TPRX1: variants seen among roughly 807,000 people sequenced by gnomAD.
TPRX1 encodes tetrapeptide repeat homeobox 1.
In TPRX1, 2 loss-of-function variants were observed where a neutral mutation model predicts 8.1. The observed-to-expected ratio is 0.25, with a 90% CI of 0.10 to 0.78. TPRX1 has a LOEUF of 0.78. Among genes scored for constraint, TPRX1 ranks in the 30% least tolerant of loss-of-function variants. TPRX1 has a pLI of 0.70. For missense variants in TPRX1, 517 were observed against 586.9 expected (o/e 0.88, Z 1.23); for synonymous variants, 257 against 254.1 (o/e 1.01, Z -0.11).
At chr19:47,818,364 C>T in intron 2 of TPRX1, 2 of 346,838 alleles carry the variant, frequency 5.8e-6, no homozygotes, top group South Asian at 3.7e-5. Context: ...ATCCATCCAT[C>T]CATCATCCAT....
exon 4 of TPRX1, chr19:47,802,720 G>C: frequency 6.3e-7 from 1 of 1,593,952 alleles, no homozygotes; most frequent in African/African-American, 1.3e-5. Flanking sequence ...CAGGGATCGG[G>C]CCAGGGCCTG....
chr19:47,811,797 A>G (rs1967786482), intron 2 of TPRX1, among the ~76,000 whole-genome samples: 1 of 150,454 alleles, frequency 6.6e-6, no homozygotes, highest in South Asian at 2.1e-4. Flanking sequence ...GCGCCCGGCT[A>G]ATGGCAACTT....
chr19:47,809,201 A>G (rs1425922233), intron 2 of TPRX1, among the ~76,000 whole-genome samples: 1 of 152,190 alleles, frequency 6.6e-6, no homozygotes, highest in East Asian at 1.9e-4. Context: ...CACATTGTTT[A>G]TTTTGAAGAA....
At chr19:47,804,524 G>A (rs1484192967) in intron 2 of TPRX1, among the ~76,000 whole-genome samples, 1 of 152,188 alleles carries the variant, frequency 6.6e-6, no homozygotes, top group African/African-American at 2.4e-5. Flanking sequence ...CCTTGGAGAT[G>A]ACCAGGGTCT....
At chr19:47,815,156 A>AT (rs1374308015) in intron 2 of TPRX1, among the ~76,000 whole-genome samples, 1 of 89,574 alleles carries the variant, frequency 1.1e-5, no homozygotes, top group African/African-American at 4.7e-5. Context: ...AAATATATAT[A>AT]TATATATTTT....
At chr19:47,807,389 A>G (rs1450475228) in intron 2 of TPRX1, among the ~76,000 whole-genome samples, 2 of 151,876 alleles carry the variant, frequency 1.3e-5, no homozygotes, top group Non-Finnish European at 2.9e-5. Flanking sequence ...AAATTTATTT[A>G]TGTATTTGTT....
chr19:47,801,571 G>C (rs910012813), exon 4 of TPRX1: 2 of 599,938 alleles, frequency 3.3e-6, no homozygotes, highest in African/African-American at 3.8e-5. Context: ...AATCCCAGCA[G>C]AGAAACGCTC....
At position 47,815,114 on chromosome 19, in the gene TPRX1, TTATATATATA is replaced by T. The variant is rs548380113; in HGVS notation, c.151+3344_151+3353del. 1.0e-3 allele frequency among the ~76,000 whole-genome samples: 64 copies of T among 63,360 alleles called. 1 individual carries two copies. The South Asian group carries it at 0.024, about 23-fold the overall frequency. 41.6% of individuals were successfully genotyped at this position (63,360 alleles called of 152,430 possible). A position where few individuals can be genotyped will look rare whatever the true frequency, so the allele number is the denominator to read the frequency against. On this transcript the variant is annotated intron_variant, in intron 2 of 3. Transcript: ENST00000535759. ...GTGCTTAGCTCAATAAATAGATAAATTATATATATATATATATATATATATATATGCAAAT... is the reference window on the plus strand; with the variant it reads ...GTGCTTAGCTCAATAAATAGATAAATTATATATATATATATATATGCAAAT...
At chr19:47,811,596 T>G (rs2123717495) in intron 2 of TPRX1, among the ~76,000 whole-genome samples, 1 of 151,770 alleles carries the variant, frequency 6.6e-6, no homozygotes, top group South Asian at 2.1e-4. Context: ...CCTCCCGGAT[T>G]CAAGCGATTC....
rs2910402 is a variant in TPRX1 at position 47,804,508 on chromosome 19, C to T, written c.152-835G>A. ...CCCAGACCCCTCACACCTCTGTCCC[C>T]GCTCACCTTGGAGATGACCAGGGTC... On this transcript the variant is annotated intron_variant, in intron 2 of 3. Transcript: ENST00000535759. 0.011 allele frequency among the ~76,000 whole-genome samples: 1,651 copies of T among 144,978 alleles called. 1 individual carries two copies. Among genetic ancestry groups the T allele is most frequent in the African/African-American group, 0.036 (1,332 of 37,410 alleles).
intron 2 of TPRX1, among the ~76,000 whole-genome samples, chr19:47,816,150 C>A (rs1967837742): frequency 6.6e-6 from 1 of 151,780 alleles, no homozygotes; most frequent in African/African-American, 2.4e-5. Flanking sequence ...CTCACTGCAT[C>A]CTCCGCCTCG....
chr19:47,808,815 G>C (rs563670845), intron 2 of TPRX1, among the ~76,000 whole-genome samples: 1 of 152,050 alleles, frequency 6.6e-6, no homozygotes, highest in Non-Finnish European at 1.5e-5. Context: ...GTGAATAAGC[G>C]CAGATATCAG....
intron 2 of TPRX1, among the ~76,000 whole-genome samples, chr19:47,817,923 C>T (rs547531298): frequency 3.9e-5 from 6 of 152,376 alleles, no homozygotes; most frequent in Non-Finnish European, 7.3e-5. Context: ...CCGTAGGCTC[C>T]TCTGTCCAGT....
intron 2 of TPRX1, among the ~76,000 whole-genome samples, chr19:47,809,623 G>A (rs999505942): frequency 6.6e-6 from 1 of 152,142 alleles, no homozygotes; most frequent in African/African-American, 2.4e-5. Context: ...TCCTGCAAAA[G>A]TAATTACCCA....
At chr19:47,812,649 C>T (rs1436374987) in intron 2 of TPRX1, among the ~76,000 whole-genome samples, 3 of 151,944 alleles carry the variant, frequency 2.0e-5, no homozygotes, top group Non-Finnish European at 2.9e-5. Flanking sequence ...GCAGGAGAAT[C>T]GCTTGAACCC....
chr19:47,805,921 A>G (rs888764678), intron 2 of TPRX1, among the ~76,000 whole-genome samples: 2 of 152,254 alleles, frequency 1.3e-5, no homozygotes, highest in Non-Finnish European at 2.9e-5. Flanking sequence ...CCACTGATGC[A>G]TGGATAAATA....
At chr19:47,801,421 T>C (rs959251838) in exon 4 of TPRX1, 3 of 208,178 alleles carry the variant, frequency 1.4e-5, no homozygotes, top group East Asian at 1.2e-4. Flanking sequence ...CCACAAGTCA[T>C]TGGATCGACA....
intron 2 of TPRX1, among the ~76,000 whole-genome samples, chr19:47,814,645 T>A (rs1207928775): frequency 6.6e-6 from 1 of 151,940 alleles, no homozygotes; most frequent in Non-Finnish European, 1.5e-5. Context: ...ACCTCAGAGA[T>A]GACCTGAGGT....
chr19:47,805,365 C>T (rs1042651685), intron 2 of TPRX1, among the ~76,000 whole-genome samples: 5 of 152,074 alleles, frequency 3.3e-5, no homozygotes, highest in African/African-American at 4.8e-5. Flanking sequence ...GCCCATGGAC[C>T]GCTGCTGGTC....
Sources: gnomAD v4.1 joint callset for allele counts (sites outside exome capture counted in the v4.1 genomes callset) on GRCh38, gnomAD v4.1.1 for gene constraint, MANE v1.5 for transcripts, NCBI Gene and HGNC (gene_info 2026-07-23, HGNC 2026-07-21) for gene names.